Variants in AFAP1 observed in about 807,000 individuals in gnomAD.
AFAP1 encodes the protein actin filament associated protein 1.
A neutral mutation model predicts 93.9 loss-of-function variants in AFAP1; 75 were observed. That is an observed-to-expected ratio of 0.80 (90% confidence interval 0.66 to 0.97). The LOEUF is 0.97. Among genes scored for constraint, AFAP1 ranks in the 50% least tolerant of loss-of-function variants. AFAP1 has a pLI of 0.00. For missense variants in AFAP1, 1,201 were observed against 1,050.8 expected (o/e 1.14, Z -1.98); for synonymous variants, 517 against 430.7 (o/e 1.20, Z -2.48).
intron 3 of AFAP1, among the ~76,000 whole-genome samples, chr4:7,860,215 G>A (rs1370126787): frequency 6.6e-6 from 1 of 152,108 alleles, no homozygotes; most frequent in African/African-American, 2.4e-5. Context: ...TACAGGTTGA[G>A]GATCTCTTCT....
chr4:7,855,632 G>T, intron 3 of AFAP1, 58 bp from the exon 4 acceptor site: 1 of 1,388,024 alleles, frequency 7.2e-7, no homozygotes. Flanking sequence ...AGGAAATTCT[G>T]GATTTCCAAT....
chr4:7,868,681 C>A lies in AFAP1; in HGVS notation c.166G>T (p.Ala56Ser), dbSNP rs781344176. ...TGAGGAGGGGCTGGCAGGCTGTTAGCGGTCTCCTGCTTCTGAGCATGGTCC... is the reference window on the plus strand; with the variant it reads ...TGAGGAGGGGCTGGCAGGCTGTTAGAGGTCTCCTGCTTCTGAGCATGGTCC... ...VKDHAQKQET[A>S]NSLPAPPQMP... The change falls in exon 3 of 18, where the codon GCT becomes TCT. Residue 56 changes from alanine (A) to serine (S), a missense_variant. Coordinates refer to ENST00000420658, the MANE Select transcript of AFAP1 (RefSeq NM_001134647.2). 1 of 1,613,296 alleles carries A rather than the reference C, an allele frequency of 6.2e-7. No individual in the cohort carries two copies. The highest frequency in any genetic ancestry group is 1.1e-5 in the South Asian group (1 of 91,044).
At chr4:7,860,785 C>T (rs541153845) in intron 3 of AFAP1, among the ~76,000 whole-genome samples, 1 of 152,270 alleles carries the variant, frequency 6.6e-6, no homozygotes, top group East Asian at 1.9e-4. Flanking sequence ...AACCGAACAA[C>T]CAAGACTGCA....
chr4:7,909,682 T>A (rs947168313), intron 1 of AFAP1, among the ~76,000 whole-genome samples: 13 of 152,230 alleles, frequency 8.5e-5, no homozygotes, highest in Non-Finnish European at 1.6e-4. Flanking sequence ...ATAAGGCATG[T>A]GTATGATTCA....
In AFAP1 at chr4:7,939,274, C is replaced by T. The variant is rs1323628983; in HGVS notation, c.-3+382G>A. The stretch of plus-strand genomic sequence containing the variant: ...GAAGCAGTCTCGCTACGGGGGAGGG[C>T]GGCGGAGCCTCCCACTCTTGGTGAC... On this transcript the variant is annotated intron_variant, in intron 1 of 17. Coordinates refer to ENST00000420658, the MANE Select transcript of AFAP1 (RefSeq NM_001134647.2). This position sits in a 1 kb window ranked among gnomAD's most constrained non-coding sequence, Gnocchi z 5.6. 2 of 310,006 alleles carry T rather than the reference C, an allele frequency of 6.5e-6. No individual in the cohort carries two copies. Among genetic ancestry groups the T allele is most frequent in the Non-Finnish European group, 1.3e-5 (2 of 153,738 alleles). 19.2% of individuals were successfully genotyped at this position (310,006 alleles called of 1,614,324 possible).
rs372230225 is a variant in AFAP1, at chr4:7,843,092, G to A, written c.546+47C>T. On this transcript the variant is annotated intron_variant, in intron 5 of 17. Coordinates refer to ENST00000420658, the MANE Select transcript of AFAP1 (RefSeq NM_001134647.2). ...ACTGGATATAAACGCCATGGCTTCT[G>A]AGTGCAGCAATCTTACAAAAAATGC... 89 of 1,586,616 alleles carry A rather than the reference G, an allele frequency of 5.6e-5. 1 individual carries two copies. The African/African-American group carries it at 9.9e-4, about 18-fold the overall frequency.
rs79690299 is a variant in AFAP1 at position 7,762,275 on chromosome 4, C to A, written c.*1490G>T. 0.019 allele frequency: 2,890 copies of A among 152,326 alleles called. 54 individuals carry two copies. Among genetic ancestry groups the A allele is most frequent in the Non-Finnish European group, 0.026 (1,747 of 68,032 alleles). 9.4% of individuals were successfully genotyped at this position (152,326 alleles called of 1,614,324 possible). On this transcript the variant is annotated 3_prime_UTR_variant, in exon 18 of 18. Coordinates refer to ENST00000420658, the MANE Select transcript of AFAP1 (RefSeq NM_001134647.2). ...CCCAAGGAGTCAGTCAGTGTTTTCC[C>A]GCCATCTCTTCCTCTGTGTGAAAAA...
intron 8 of AFAP1, among the ~76,000 whole-genome samples, chr4:7,813,786 G>A (rs764358349): frequency 4.6e-5 from 7 of 152,186 alleles, no homozygotes; most frequent in Non-Finnish European, 7.3e-5. Context: ...AGTGGGTATC[G>A]TGACCTCTGA....
intron 3 of AFAP1, among the ~76,000 whole-genome samples, chr4:7,868,296 T>G (rs1434725640): frequency 2.6e-5 from 4 of 152,280 alleles, no homozygotes; most frequent in African/African-American, 9.6e-5. Context: ...ACAGATACTT[T>G]TGTCTGCTAA....
intron 3 of AFAP1, among the ~76,000 whole-genome samples, chr4:7,867,674 G>A (rs1185972344): frequency 6.6e-6 from 1 of 152,190 alleles, no homozygotes; most frequent in Non-Finnish European, 1.5e-5. Context: ...AAAAATGGGT[G>A]TACGTACACT....
chr4:7,770,015 C>G (rs1480807227), intron 16 of AFAP1, among the ~76,000 whole-genome samples: 1 of 152,162 alleles, frequency 6.6e-6, no homozygotes, highest in African/African-American at 2.4e-5. Flanking sequence ...ACCTGCATCT[C>G]AAGAGGGGTC....
intron 1 of AFAP1, among the ~76,000 whole-genome samples, chr4:7,873,085 A>C (rs967341351): frequency 6.6e-6 from 1 of 151,240 alleles, no homozygotes; most frequent in Non-Finnish European, 1.5e-5. Context: ...TCTATTAAAA[A>C]TACAAAAAGT....
intron 1 of AFAP1, among the ~76,000 whole-genome samples, chr4:7,937,537 A>C (rs892783728): frequency 6.6e-6 from 1 of 152,212 alleles, no homozygotes; most frequent in African/African-American, 2.4e-5. Flanking sequence ...CCCAGGCTGG[A>C]GTGCAGTGGA....
Position 7,762,567 on chromosome 4 carries a change from T to A in AFAP1, c.*1198A>T, listed in dbSNP as rs1048557223. On this transcript the variant is annotated 3_prime_UTR_variant, in exon 18 of 18. Coordinates refer to ENST00000420658, the MANE Select transcript of AFAP1 (RefSeq NM_001134647.2). ...GCTCAAACTATGAACTCTGTTTTTT[T>A]CCTTTATGCCTTAGGCATCCAAATT... is the stretch of plus-strand genomic sequence containing the variant. 6.6e-6 allele frequency: 1 copy of A among 152,218 alleles called. No individual in the cohort carries two copies. The highest frequency in any genetic ancestry group is 2.4e-5 in the African/African-American group (1 of 41,450). The allele number at this position is 152,218 out of a possible 1,614,324, so 9.4% of individuals were successfully genotyped here.
At chr4:7,799,583 G>C (rs1029352804) in intron 10 of AFAP1, among the ~76,000 whole-genome samples, 2 of 152,158 alleles carry the variant, frequency 1.3e-5, no homozygotes, top group African/African-American at 4.8e-5. Flanking sequence ...ACAGCACAAG[G>C]TGCGTGACAT....
At chr4:7,771,651 G>C (rs919197885) in intron 16 of AFAP1, among the ~76,000 whole-genome samples, 5 of 152,282 alleles carry the variant, frequency 3.3e-5, no homozygotes, top group South Asian at 4.1e-4. Context: ...GAAAAACTCA[G>C]GGCCTAGAGA....
chr4:7,902,721 T>C (rs909333262), intron 1 of AFAP1, among the ~76,000 whole-genome samples: 10 of 152,076 alleles, frequency 6.6e-5, no homozygotes, highest in African/African-American at 2.4e-4. Flanking sequence ...ACATTCAGAG[T>C]CGGGGAAGAT....
intron 1 of AFAP1, among the ~76,000 whole-genome samples, chr4:7,922,714 C>T (rs1190913643): frequency 6.6e-6 from 1 of 152,102 alleles, no homozygotes; most frequent in Non-Finnish European, 1.5e-5. Context: ...CCGGGTGCGG[C>T]GGCTCATGCC....
chr4:7,871,825 T>G, intron 2 of AFAP1, 127 bp downstream of exon 2: 2 of 1,329,678 alleles, frequency 1.5e-6, no homozygotes, highest in Non-Finnish European at 2.1e-6. Context: ...CAATGAAAAC[T>G]TGATGAATAA....
Sources: gnomAD v4.1 joint callset for allele counts (sites outside exome capture counted in the v4.1 genomes callset) on GRCh38, gnomAD v4.1.1 for gene constraint, Gnocchi (gnomAD v3.1) non-coding constraint, MANE v1.5 for transcripts, NCBI Gene and HGNC (gene_info 2026-07-23, HGNC 2026-07-21) for gene names.